GLI3: variants seen among roughly 807,000 people sequenced by gnomAD.
The protein encoded by GLI3 is GLI family zinc finger 3.
A neutral mutation model predicts 100.8 loss-of-function variants in GLI3; 20 were observed. The ratio of observed to expected loss-of-function variants is 0.20; its 90% confidence interval spans 0.14 to 0.29. GLI3 has a LOEUF of 0.29. Ranked by LOEUF, GLI3 falls within the 10% of genes least tolerant of loss-of-function variation. The pLI, the probability that GLI3 is intolerant of heterozygous loss-of-function variation, is 1.00. For missense variants in GLI3, 2,040 were observed against 2,128.5 expected (o/e 0.96, Z 0.82); for synonymous variants, 938 against 860.5 (o/e 1.09, Z -1.58).
intron 2 of GLI3, among the ~76,000 whole-genome samples, chr7:42,185,384 C>T (rs1009278258): frequency 5.3e-5 from 8 of 152,222 alleles, no homozygotes; most frequent in South Asian, 4.1e-4. Flanking sequence ...CATGCTCTCC[C>T]GCATCTTTTT....
intron 10 of GLI3, among the ~76,000 whole-genome samples, chr7:42,010,479 C>A (rs1219293222): frequency 6.6e-6 from 1 of 152,174 alleles, no homozygotes; most frequent in Non-Finnish European, 1.5e-5. Context: ...TGGGTTTCAG[C>A]CTGAGTGGAA....
At chr7:42,251,596 G>T (rs1244274563) in intron 1 of GLI3, among the ~76,000 whole-genome samples, 1 of 152,132 alleles carries the variant, frequency 6.6e-6, no homozygotes. Flanking sequence ...AGCAGAGAGA[G>T]AAGAAAGAGG....
intron 2 of GLI3, among the ~76,000 whole-genome samples, chr7:42,194,493 C>T (rs942214565): frequency 6.6e-6 from 1 of 152,170 alleles, no homozygotes; most frequent in East Asian, 1.9e-4. Context: ...ACAGTTCCAA[C>T]TCAAGTCTCT....
chr7:42,172,824 C>T (rs1053486362), intron 2 of GLI3: 2 of 569,996 alleles, frequency 3.5e-6, no homozygotes, highest in African/African-American at 1.9e-5. Flanking sequence ...GAGCCATTCA[C>T]CTTCTACCTA....
intron 2 of GLI3, among the ~76,000 whole-genome samples, chr7:42,190,122 T>C (rs1484749060): frequency 7.2e-6 from 1 of 139,232 alleles, no homozygotes; most frequent in African/African-American, 2.8e-5. Flanking sequence ...GTCAGCGGCA[T>C]GAATATCATC....
At chr7:42,245,920 GA>G (rs376909767) in intron 1 of GLI3, among the ~76,000 whole-genome samples, 2,525 of 147,206 alleles carry the variant, frequency 0.017, 27 homozygotes, top group South Asian at 0.037. Context: ...AAAAAAAAAG[GA>G]AACCATGAGG....
At chr7:42,203,396 C>G (rs1390888959) in intron 2 of GLI3, among the ~76,000 whole-genome samples, 3 of 152,168 alleles carry the variant, frequency 2.0e-5, no homozygotes, top group Admixed American at 2.0e-4. Context: ...TCCTGTCCCC[C>G]AAGTGCCCCA....
chr7:42,228,583 G>A (rs910134065), intron 1 of GLI3, among the ~76,000 whole-genome samples: 9 of 152,212 alleles, frequency 5.9e-5, no homozygotes, highest in Admixed American at 4.6e-4. Context: ...CCCTGGTTGC[G>A]TTCAGAGGGC....
Position 41,965,628 on chromosome 7 carries a change from G to A in GLI3, c.3445C>T (p.Pro1149Ser). Residue 1149 changes from proline to serine, a missense_variant, in exon 15 of 15, where the codon CCC (proline) becomes TCC (serine). By Grantham distance (74) the Pro-to-Ser change is moderately conservative. Coordinates refer to ENST00000395925, the MANE Select transcript of GLI3 (RefSeq NM_000168.6). ...TCGGTTTTGCTGCCCTCGGGGCAGG[G>A]CTGCTCGAGGGCATGGAACTGCTGG... ...AGQQFHALEQPCPEGSKTDLP... is the reference protein window; with the variant it reads ...AGQQFHALEQSCPEGSKTDLP... 2 of 1,611,036 alleles carry A rather than the reference G, an allele frequency of 1.2e-6. No individual in the cohort carries two copies. The highest frequency in any genetic ancestry group is 1.7e-6 in the Non-Finnish European group (2 of 1,177,816).
intron 7 of GLI3, among the ~76,000 whole-genome samples, chr7:42,027,208 A>ATTT (rs1789144201): frequency 2.0e-5 from 3 of 152,212 alleles, no homozygotes; most frequent in African/African-American, 7.2e-5. Context: ...CTCGACTAGC[A>ATTT]GGCAATGCCA....
At position 41,964,412 on chromosome 7, in the gene GLI3, G is replaced by C. The variant is rs764701766; in HGVS notation, c.4661C>G (p.Thr1554Ser). The change falls in exon 15 of 15, where the codon ACC (threonine) becomes AGC (serine). Residue 1554 changes from threonine to serine, a missense_variant. This residue lies in a region of GLI3 where 1,041 missense variants were observed against 924.0 expected (regional missense o/e 1.13). Coordinates refer to ENST00000395925, the MANE Select transcript of GLI3 (RefSeq NM_000168.6). ...SLPFPALSMS[T>S]TNMAIGDMSS... ...CATGTCCCCGATAGCCATGTTGGTGGTGCTCATGGACAGCGCTGGGAATGG... is the reference window on the plus strand; with the variant it reads ...CATGTCCCCGATAGCCATGTTGGTGCTGCTCATGGACAGCGCTGGGAATGG... The C allele has an allele frequency of 6.2e-6, 10 of 1,614,008 alleles. No individual in the cohort carries two copies. The South Asian group carries it at 9.9e-5, about 16-fold the overall frequency.
chr7:42,219,778 G>C (rs1788447167), intron 2 of GLI3, among the ~76,000 whole-genome samples: 1 of 151,738 alleles, frequency 6.6e-6, no homozygotes, highest in Non-Finnish European at 1.5e-5. Context: ...GTTCATTTGT[G>C]TGATTTTAAT....
At chr7:42,130,061 C>G (rs536214259) in intron 3 of GLI3, among the ~76,000 whole-genome samples, 1 of 152,162 alleles carries the variant, frequency 6.6e-6, no homozygotes, top group Non-Finnish European at 1.5e-5. Flanking sequence ...AAGAGTCACA[C>G]CAGCTCTAAC....
chr7:42,175,618 C>CAAAA (rs545191898), intron 2 of GLI3, among the ~76,000 whole-genome samples: 1 of 130,438 alleles, frequency 7.7e-6, no homozygotes. Context: ...ACTCTGTCTC[C>CAAAA]AAAAAAAAAA....
intron 1 of GLI3, among the ~76,000 whole-genome samples, chr7:42,226,805 C>T (rs1004925981): frequency 1.2e-4 from 19 of 152,120 alleles, no homozygotes; most frequent in African/African-American, 4.3e-4. Flanking sequence ...ATTCTAGACG[C>T]CCACACCTCA....
chr7:42,097,571 A>G (rs1240119149), intron 3 of GLI3, among the ~76,000 whole-genome samples: 1 of 152,242 alleles, frequency 6.6e-6, no homozygotes, highest in Middle Eastern at 3.2e-3. Flanking sequence ...TCTCGTGTCC[A>G]TGGAAATGGC....
chr7:42,262,209 T>C (rs111495511), intron 1 of GLI3, among the ~76,000 whole-genome samples: 9,113 of 110,368 alleles, frequency 0.083, 816 homozygotes, highest in African/African-American at 0.21. Context: ...TCCTTCCTTC[T>C]TTCCTTCCTT....
intron 10 of GLI3, among the ~76,000 whole-genome samples, chr7:41,996,344 A>G (rs1441889923): frequency 2.0e-5 from 3 of 152,190 alleles, no homozygotes. Flanking sequence ...AGCCACGGCC[A>G]ATCCACTTTC....
At chr7:42,062,418 C>T (rs569343029) in intron 4 of GLI3, among the ~76,000 whole-genome samples, 16 of 152,084 alleles carry the variant, frequency 1.1e-4, no homozygotes, top group Non-Finnish European at 2.2e-4. Context: ...CCTCTCTGGG[C>T]CACTGTGGTC....
Sources: gnomAD v4.1 joint callset for allele counts (sites outside exome capture counted in the v4.1 genomes callset) on GRCh38, gnomAD v4.1.1 for gene constraint, gnomAD v4.1.1 regional missense constraint, MANE v1.5 for transcripts, NCBI Gene and HGNC (gene_info 2026-07-23, HGNC 2026-07-21) for gene names.